Variants in ZBTB17 observed in about 807,000 individuals in gnomAD.
The protein encoded by ZBTB17 is zinc finger and BTB domain-containing protein 17.
Under a neutral mutation model 85.1 loss-of-function variants are expected in ZBTB17, and 24 were observed. The observed-to-expected ratio is 0.28, with a 90% CI of 0.20 to 0.40. The LOEUF (loss-of-function observed/expected upper bound fraction) is 0.40. ZBTB17 is among the 10% of genes least tolerant of loss of function. The pLI is 1.00. For missense variants in ZBTB17, 743 were observed against 1,105.1 expected (o/e 0.67, Z 4.65); for synonymous variants, 464 against 460.2 (o/e 1.01, Z -0.11).
chr1:15,965,599 T>C (rs1200935154), intron 2 of ZBTB17, among the ~76,000 whole-genome samples: 1 of 152,242 alleles, frequency 6.6e-6, no homozygotes, highest in East Asian at 1.9e-4. Context: ...CTGGAGAGGC[T>C]GTGCATACAT....
intron 2 of ZBTB17, among the ~76,000 whole-genome samples, chr1:15,959,501 A>C (rs545144866): frequency 1.2e-4 from 13 of 112,776 alleles, no homozygotes; most frequent in Non-Finnish European, 1.2e-4. Context: ...GGGAAGGAAG[A>C]GGGAGGAGAG....
chr1:15,974,700 G>GAGCAGCTGGGACTACAGGCGCGCGCA (rs2072799604), intron 1 of ZBTB17, among the ~76,000 whole-genome samples: 1 of 151,946 alleles, frequency 6.6e-6, no homozygotes, highest in Non-Finnish European at 1.5e-5. Flanking sequence ...TCAGCCTCCT[G>GAGCAGCTGGGACTACAGGCGCGCGCA]AGCAGCTGGG....
chr1:15,946,231 G>A lies in ZBTB17; in HGVS notation c.458C>T (p.Ala153Val). ...GGGGCCTATGGGTGTGCTGCGTCCT[G>A]CCTGCTCCAGCCTGCTCAGCGTGCT... ...ATSTLSRLEQ[A>V]GRSTPIGPSR... The change falls in exon 5 of 16, where the codon GCA (alanine) becomes GTA (valine). Residue 153 changes from alanine (A) to valine (V), a missense_variant. Physicochemically the swap from Ala to Val is moderately conservative, Grantham distance 64. Transcript: ENST00000375743. 1 of 1,613,618 alleles carries A rather than the reference G, an allele frequency of 6.2e-7. No individual in the cohort carries two copies. Among genetic ancestry groups the A allele is most frequent in the Non-Finnish European group, 8.5e-7 (1 of 1,179,998 alleles).
At chr1:15,972,472 A>C (rs1055019721) in intron 2 of ZBTB17, among the ~76,000 whole-genome samples, 1 of 152,234 alleles carries the variant, frequency 6.6e-6, no homozygotes, top group Non-Finnish European at 1.5e-5. Flanking sequence ...TTAGCTGTGC[A>C]CCAGATGCAG....
chr1:15,965,786 AAT>A (rs1359131992), intron 2 of ZBTB17, among the ~76,000 whole-genome samples: 1 of 152,250 alleles, frequency 6.6e-6, no homozygotes, highest in African/African-American at 2.4e-5. Flanking sequence ...TGAAGAAAAC[AAT>A]ATGATTATAT....
At position 15,948,319 on chromosome 1, in the gene ZBTB17, C is replaced by T. The variant is rs1301534713; in HGVS notation, c.177G>A (p.Val59=). The T allele has an allele frequency of 1.9e-6, 3 of 1,613,812 alleles. No individual in the cohort carries two copies. The highest frequency in any genetic ancestry group is 3.3e-5 in the Admixed American group (2 of 60,014). Reference sequence around the variant, plus strand: ...CCGCGTTACTGATGTCCAGGTGCACCACGTCCTTCTGGTCCACGAAGAGCA... The same window carrying T: ...CCGCGTTACTGATGTCCAGGTGCACTACGTCCTTCTGGTCCACGAAGAGCA... ...FKMLFVDQKD[V]VHLDISNAAG... The change falls in exon 3 of 16, where the codon GTG becomes GTA. Residue 59 remains valine (V), a synonymous_variant. Transcript: ENST00000375743.
At chr1:15,942,875 C>G in intron 13 of ZBTB17, 137 bp from the exon 14 acceptor site, 1 of 1,316,150 alleles carries the variant, frequency 7.6e-7, no homozygotes. Flanking sequence ...ACGGGTGCCT[C>G]TGGTGACACT....
At position 15,953,336 on chromosome 1, in the gene ZBTB17, A is replaced by G. The variant is rs848191; in HGVS notation, c.-2-4839T>C. 0.11 allele frequency among the ~76,000 whole-genome samples: 16,192 copies of G among 152,198 alleles called. 1,243 individuals are homozygous for G. The highest frequency in any genetic ancestry group is 0.23 in the Admixed American group (3,536 of 15,288). ...CCATTTTTCAAAAATTTTAATAAGA[A>G]AAAAGTGAGGTTCAGTTGCCAGACT... On this transcript the variant is annotated intron_variant, in intron 2 of 15. Transcript: ENST00000375743. The surrounding 1 kb of genome is among the most constrained non-coding windows in gnomAD (Gnocchi z 5.1).
At position 15,945,838 on chromosome 1, in the gene ZBTB17, C is replaced by T. The variant is rs1459199847; in HGVS notation, c.538G>A (p.Ala180Thr). ...GCATCGGCTTTCTCTGTCTGCTCTG[C>T]ACCTGGGTGGGGGAAGCACCGGAGG... ...GGQAQSAASG[A>T]EQTEKADAPR... is the part of the protein sequence containing the mutation. Residue 180 changes from alanine (A) to threonine (T), a missense_variant and splice_region_variant, in exon 6 of 16, where the codon GCA becomes ACA. This residue lies in a region of ZBTB17 where 279 missense variants were observed against 269.9 expected (regional missense o/e 1.03). Transcript: ENST00000375743. 6.3e-7 allele frequency: 1 copy of T among 1,593,776 alleles called. No individual in the cohort carries two copies. Among genetic ancestry groups the T allele is most frequent in the Admixed American group, 1.7e-5 (1 of 59,482 alleles).
chr1:15,944,260 G>A (rs1413963704), intron 9 of ZBTB17, 40 bp downstream of exon 9: 2 of 1,547,162 alleles, frequency 1.3e-6, no homozygotes, highest in Admixed American at 3.9e-5. Context: ...TGCGGCCACC[G>A]GCGGCTGCCA....
rs377159225 is a variant in ZBTB17, at chr1:15,942,758, T to G, written c.1829-20A>C. The G allele has an allele frequency of 7.4e-5, 119 of 1,611,714 alleles. No individual in the cohort carries two copies. The highest frequency in any genetic ancestry group is 9.5e-5 in the Non-Finnish European group (112 of 1,179,384). On this transcript the variant is annotated intron_variant, in intron 13 of 15. Coordinates refer to ENST00000375743, the MANE Select transcript of ZBTB17 (RefSeq NM_003443.3). ...TCTCTCCTGGGGGAGCAAGGTTCTC[T>G]CTTGCCTTTGTGGGAAGGGGCCGCA... is the stretch of plus-strand genomic sequence containing the variant.
chr1:15,974,724 G>C (rs1265978480), intron 1 of ZBTB17, among the ~76,000 whole-genome samples: 1 of 151,900 alleles, frequency 6.6e-6, no homozygotes, highest in Non-Finnish European at 1.5e-5. Context: ...ACAGGCGCGC[G>C]CAAGCACGAC....
intron 1 of ZBTB17, among the ~76,000 whole-genome samples, chr1:15,975,667 G>C (rs1008309083): frequency 1.3e-5 from 2 of 152,110 alleles, no homozygotes; most frequent in African/African-American, 4.8e-5. Flanking sequence ...GGGGTCAAGG[G>C]GCGGTGACAG....
At chr1:15,955,520 C>T (rs1310998997) in intron 2 of ZBTB17, among the ~76,000 whole-genome samples, 1 of 152,192 alleles carries the variant, frequency 6.6e-6, no homozygotes, top group Non-Finnish European at 1.5e-5. Context: ...TACACAGTCC[C>T]ACCAGCCAAG....
rs914478349 is a variant in ZBTB17 at position 15,966,955 on chromosome 1, C to T, written c.-3+6084G>A. Among the ~76,000 whole-genome samples, 8 of 151,528 alleles carry T rather than the reference C, an allele frequency of 5.3e-5. No homozygotes were observed. Among genetic ancestry groups the T allele is most frequent in the Non-Finnish European group, 7.4e-5 (5 of 67,930 alleles). ...TTAATTAAAAAACAAAAAAAAAAGC[C>T]GTGGCCAGCAAAAGAAGTAGATTAT... On this transcript the variant is annotated intron_variant, in intron 2 of 15. Coordinates refer to ENST00000375743, the MANE Select transcript of ZBTB17 (RefSeq NM_003443.3). The surrounding 1 kb of genome is among the most constrained non-coding windows in gnomAD (Gnocchi z 4.1).
At chr1:15,944,194 T>C in intron 9 of ZBTB17, 106 bp downstream of exon 9, 1 of 1,447,980 alleles carries the variant, frequency 6.9e-7, no homozygotes, top group Non-Finnish European at 9.4e-7. Flanking sequence ...GCTGATGAGC[T>C]CCTGGAGGCC....
At position 15,971,512 on chromosome 1, in the gene ZBTB17, CTATATATATACACACACACTA is replaced by C. The variant is rs1557800026; in HGVS notation, c.-3+1506_-3+1526del. On this transcript the variant is annotated intron_variant, in intron 2 of 15. Transcript: ENST00000375743. ...CACACTATATATATATACACACACACTATATATATACACACACACTATATATATACACACACACTATATATA... is the reference window on the plus strand; with the variant it reads ...CACACTATATATATATACACACACACTATATATACACACACACTATATATA... Among the ~76,000 whole-genome samples, 494 of 62,490 alleles carry C rather than the reference CTATATATATACACACACACTA, an allele frequency of 7.9e-3. 8 individuals carry two copies. The highest frequency in any genetic ancestry group is 0.043 in the Middle Eastern group (5 of 116). The allele number at this position is 62,490 out of a possible 152,430, so 41.0% of individuals were successfully genotyped here.
In ZBTB17 at chr1:15,964,124, G is replaced by GA. The variant is rs34511728; in HGVS notation, c.-3+8914dup. On this transcript the variant is annotated intron_variant, in intron 2 of 15. Transcript: ENST00000375743. The surrounding 1 kb of genome is among the most constrained non-coding windows in gnomAD (Gnocchi z 4.3). ...AACAGCGAGACCCTGTCTCTAGAGA[G>GA]AAAAAAAAAAAAAGGTTTAAAAAGA... Among the ~76,000 whole-genome samples the GA allele has an allele frequency of 9.8e-4, 131 of 133,914 alleles. No homozygotes were observed. The highest frequency in any genetic ancestry group is 4.0e-3 in the Middle Eastern group (1 of 252). The allele number at this position is 133,914 out of a possible 152,430, so 87.9% of individuals were successfully genotyped here.
chr1:15,963,666 T>G (rs949083360), intron 2 of ZBTB17, among the ~76,000 whole-genome samples: 2 of 151,976 alleles, frequency 1.3e-5, no homozygotes, highest in African/African-American at 4.8e-5. Flanking sequence ...CAGCCCAAAT[T>G]TACACCTTAT....
Sources: allele counts gnomAD v4.1 joint callset (sites outside exome capture counted in the v4.1 genomes callset), GRCh38; gene constraint gnomAD v4.1.1; regional missense constraint gnomAD v4.1.1; non-coding constraint Gnocchi (gnomAD v3.1); transcripts MANE v1.5; gene names NCBI Gene and HGNC (gene_info 2026-07-23, HGNC 2026-07-21).